MAP3K5: variants seen among roughly 807,000 people sequenced by gnomAD.
MAP3K5 encodes the protein mitogen-activated protein kinase kinase kinase 5.
In MAP3K5, 56 loss-of-function variants were observed where a neutral mutation model predicts 158.7. That is an observed-to-expected ratio of 0.35 (90% CI 0.28 to 0.44). MAP3K5 has a LOEUF of 0.44. MAP3K5 is among the 20% of genes least tolerant of loss of function. The pLI, the probability that MAP3K5 is intolerant of heterozygous loss-of-function variation, is 1.00. For synonymous variants in MAP3K5, 579 were observed against 601.7 expected (o/e 0.96, Z 0.55); for missense variants, 1,294 against 1,674.8 (o/e 0.77, Z 3.97).
intron 1 of MAP3K5, among the ~76,000 whole-genome samples, chr6:136,753,823 T>C (rs1562675164): frequency 6.6e-6 from 1 of 152,220 alleles, no homozygotes; most frequent in Non-Finnish European, 1.5e-5. Context: ...TGAGGGTAGA[T>C]GGTGCTTCAG....
At chr6:136,696,490 A>T (rs1447933507) in intron 5 of MAP3K5, among the ~76,000 whole-genome samples, 1 of 152,198 alleles carries the variant, frequency 6.6e-6, no homozygotes, top group Non-Finnish European at 1.5e-5. Context: ...CACATGAGTA[A>T]GCACTCTAGC....
intron 1 of MAP3K5, among the ~76,000 whole-genome samples, chr6:136,734,966 G>A (rs1458029871): frequency 6.6e-6 from 1 of 152,188 alleles, no homozygotes; most frequent in African/African-American, 2.4e-5. Context: ...CCTCACAGAT[G>A]TGGATGCTGA....
intron 1 of MAP3K5, among the ~76,000 whole-genome samples, chr6:136,740,732 G>A (rs1782674732): frequency 6.6e-6 from 1 of 152,126 alleles, no homozygotes; most frequent in South Asian, 2.1e-4. Flanking sequence ...TTTTATGTTA[G>A]CTTACTTTTA....
intron 9 of MAP3K5, among the ~76,000 whole-genome samples, chr6:136,658,261 TG>T (rs1246445983): frequency 7.2e-5 from 11 of 151,940 alleles, no homozygotes; most frequent in Non-Finnish European, 1.3e-4. Context: ...AATCGCTACA[TG>T]TGATGCTAAT....
intron 10 of MAP3K5, among the ~76,000 whole-genome samples, chr6:136,653,519 G>T (rs929696353): frequency 6.6e-6 from 1 of 152,184 alleles, no homozygotes; most frequent in South Asian, 2.1e-4. Context: ...CAGCGACCAA[G>T]ATCGCCCCAC....
chr6:136,772,305 T>G (rs968497421), intron 1 of MAP3K5, among the ~76,000 whole-genome samples: 1 of 152,164 alleles, frequency 6.6e-6, no homozygotes, highest in Non-Finnish European at 1.5e-5. Flanking sequence ...AATGTTTCTA[T>G]GCAAATGTGT....
intron 19 of MAP3K5, among the ~76,000 whole-genome samples, chr6:136,603,176 C>CT (rs397962146): frequency 0.011 from 1,525 of 139,428 alleles, 24 homozygotes; most frequent in East Asian, 0.084. Context: ...TATACAGGTA[C>CT]TTTTTTTTTT....
chr6:136,786,401 A>T (rs910624021), intron 1 of MAP3K5, among the ~76,000 whole-genome samples: 245 of 151,972 alleles, frequency 1.6e-3, no homozygotes, highest in African/African-American at 5.7e-3. Context: ...AAAAAAAAAA[A>T]ATTTGGAAAG....
intron 1 of MAP3K5, among the ~76,000 whole-genome samples, chr6:136,739,737 G>T (rs575047772): frequency 2.6e-5 from 4 of 152,178 alleles, no homozygotes; most frequent in African/African-American, 9.7e-5. Flanking sequence ...GGCAAGCCCC[G>T]TAGAAGGTGC....
At chr6:136,562,722 G>T in intron 26 of MAP3K5, 107 bp from the exon 27 acceptor site, 1 of 555,280 alleles carries the variant, frequency 1.8e-6, no homozygotes, top group Non-Finnish European at 3.1e-6. Flanking sequence ...CCTAGGCTGA[G>T]TGTAGTGGCC....
At chr6:136,563,131 G>A (rs1830591768) in intron 26 of MAP3K5, among the ~76,000 whole-genome samples, 1 of 152,112 alleles carries the variant, frequency 6.6e-6, no homozygotes, top group Non-Finnish European at 1.5e-5. Context: ...CAGGTTCACA[G>A]ACCCTCAGGT....
At chr6:136,698,414 G>T in intron 4 of MAP3K5, 75 bp downstream of exon 4, 1 of 1,285,714 alleles carries the variant, frequency 7.8e-7, no homozygotes, top group Non-Finnish European at 1.1e-6. Context: ...AGGAGCACCT[G>T]ATATCATGCA....
intron 1 of MAP3K5, among the ~76,000 whole-genome samples, chr6:136,766,954 C>G: frequency 6.6e-6 from 1 of 152,012 alleles, no homozygotes; most frequent in Admixed American, 6.6e-5. Context: ...ATCAAATTTA[C>G]AAGGCAATAT....
chr6:136,753,570 T>C (rs961113528), intron 1 of MAP3K5, among the ~76,000 whole-genome samples: 1 of 152,094 alleles, frequency 6.6e-6, no homozygotes, highest in African/African-American at 2.4e-5. Context: ...TAAAAAGGCA[T>C]GGTATTAAAT....
At chr6:136,782,421 G>T (rs1356505607) in intron 1 of MAP3K5, among the ~76,000 whole-genome samples, 1 of 152,214 alleles carries the variant, frequency 6.6e-6, no homozygotes. Flanking sequence ...AGATGATGCT[G>T]ATTGATACTG....
At chr6:136,777,211 C>T (rs1784433688) in intron 1 of MAP3K5, among the ~76,000 whole-genome samples, 1 of 152,212 alleles carries the variant, frequency 6.6e-6, no homozygotes, top group Non-Finnish European at 1.5e-5. Context: ...CCCTGCTTTG[C>T]AATAATATAC....
At chr6:136,766,310 C>A (rs1290291684) in intron 1 of MAP3K5, among the ~76,000 whole-genome samples, 4 of 152,208 alleles carry the variant, frequency 2.6e-5, no homozygotes, top group Non-Finnish European at 5.9e-5. Flanking sequence ...GAAATGCCTA[C>A]AAGGATGACC....
chr6:136,561,280 T>C (rs1234898365), intron 28 of MAP3K5, among the ~76,000 whole-genome samples: 1 of 152,166 alleles, frequency 6.6e-6, no homozygotes. Flanking sequence ...TCCAACAACC[T>C]TCCCCAACCT....
chr6:136,687,798 TAAG>T (rs971460089), intron 7 of MAP3K5, among the ~76,000 whole-genome samples: 3 of 152,064 alleles, frequency 2.0e-5, no homozygotes, highest in Non-Finnish European at 4.4e-5. Flanking sequence ...TGTGGAGAAA[TAAG>T]AACTTTTTAC....
Sources: allele counts gnomAD v4.1 joint callset (sites outside exome capture counted in the v4.1 genomes callset), GRCh38; gene constraint gnomAD v4.1.1; transcripts MANE v1.5; gene names NCBI Gene and HGNC (gene_info 2026-07-23, HGNC 2026-07-21).